BBS9: variants seen among roughly 807,000 people sequenced by gnomAD.
BBS9 encodes the protein protein PTHB1.
In BBS9, 89 loss-of-function variants were observed where a neutral mutation model predicts 117.7. The observed-to-expected ratio is 0.76, with a 90% CI of 0.64 to 0.90. BBS9 has a LOEUF of 0.90. BBS9 is among the 40% of genes least tolerant of loss of function. The pLI is 0.00. For missense variants in BBS9, 982 were observed against 1,042.2 expected, an observed-to-expected ratio of 0.94 and a Z score of 0.80; for synonymous variants, 379 against 370.9, an observed-to-expected ratio of 1.02 and a Z score of -0.25.
chr7:33,605,203 C>A lies in BBS9; in HGVS notation c.2641C>A (p.Pro881Thr). ...ACTCTCTTTTTTTCCAGAAGTTTCA[C>A]CCCTCCAAGGAGTCTCGGAATAATT... The part of the protein sequence containing the change: ...TAETPRPEVS[P>T]LQGVSE The change falls in exon 23 of 23, where the codon CCC becomes ACC. Residue 881 changes from proline (P) to threonine (T), a missense_variant. Physicochemically the swap from Pro to Thr is conservative, Grantham distance 38. Transcript: ENST00000242067. 1.2e-6 allele frequency: 2 copies of A among 1,612,600 alleles called. No individual in the cohort carries two copies. The highest frequency in any genetic ancestry group is 1.7e-6 in the Non-Finnish European group (2 of 1,178,684).
At chr7:33,485,126 A>G (rs1236385074) in intron 19 of BBS9, among the ~76,000 whole-genome samples, 1 of 152,042 alleles carries the variant, frequency 6.6e-6, no homozygotes, top group Non-Finnish European at 1.5e-5. Flanking sequence ...GGGGGGCAAC[A>G]CACACTGGGA....
At chr7:33,592,810 G>A (rs1392870020) in intron 21 of BBS9, among the ~76,000 whole-genome samples, 3 of 152,088 alleles carry the variant, frequency 2.0e-5, no homozygotes, top group African/African-American at 7.2e-5. Context: ...GGAATGAATA[G>A]CCACTTGATG....
chr7:33,521,306 G>C (rs1848555148), intron 20 of BBS9, among the ~76,000 whole-genome samples: 1 of 152,214 alleles, frequency 6.6e-6, no homozygotes, highest in East Asian at 1.9e-4. Context: ...TTGCACTGCA[G>C]CCGAACCTTC....
intron 2 of BBS9, among the ~76,000 whole-genome samples, chr7:33,147,894 G>C (rs911299576): frequency 8.6e-5 from 13 of 151,718 alleles, no homozygotes; most frequent in African/African-American, 3.1e-4. Context: ...CATTACATAT[G>C]TGTGTTCCAC....
rs112093704 is a variant in BBS9, at chr7:33,421,826, T to G, written c.2115+33682T>G. 5.4e-3 allele frequency among the ~76,000 whole-genome samples: 829 copies of G among 152,296 alleles called. 3 individuals are homozygous for G. Among genetic ancestry groups the G allele is most frequent in the Non-Finnish European group, 7.6e-3 (520 of 68,010 alleles). ...TTAAAGAAAGGACATGGTTGGTACCTCCAGATAACACTTGAAAATTAGCAT... is the reference window on the plus strand; with the variant it reads ...TTAAAGAAAGGACATGGTTGGTACCGCCAGATAACACTTGAAAATTAGCAT... On this transcript the variant is annotated intron_variant, in intron 19 of 22. Transcript: ENST00000242067.
intron 19 of BBS9, among the ~76,000 whole-genome samples, chr7:33,434,879 T>G (rs1163998058): frequency 6.6e-6 from 1 of 152,142 alleles, no homozygotes; most frequent in Non-Finnish European, 1.5e-5. Flanking sequence ...ATATTGCGGC[T>G]TTGACCTCAT....
At chr7:33,222,667 G>A (rs998875434) in intron 5 of BBS9, among the ~76,000 whole-genome samples, 4 of 151,922 alleles carry the variant, frequency 2.6e-5, no homozygotes, top group African/African-American at 4.8e-5. Flanking sequence ...TTTTTGTGGC[G>A]CCAGGTGCGG....
At chr7:33,315,198 G>T (rs984344222) in intron 9 of BBS9, among the ~76,000 whole-genome samples, 1 of 152,152 alleles carries the variant, frequency 6.6e-6, no homozygotes, top group Non-Finnish European at 1.5e-5. Context: ...GGTGTCAACA[G>T]GGCTGGTTTC....
chr7:33,398,126 A>G (rs1389533571), intron 19 of BBS9, among the ~76,000 whole-genome samples: 2 of 152,188 alleles, frequency 1.3e-5, no homozygotes, highest in African/African-American at 4.8e-5. Flanking sequence ...GGCACTATCT[A>G]ATAGATAGCC....
At chr7:33,259,533 C>T (rs1562892395) in intron 6 of BBS9, among the ~76,000 whole-genome samples, 1 of 151,956 alleles carries the variant, frequency 6.6e-6, no homozygotes. Flanking sequence ...AATTGTTTGC[C>T]CTGAGACATT....
intron 19 of BBS9, among the ~76,000 whole-genome samples, chr7:33,401,478 A>G (rs1422676485): frequency 1.3e-5 from 2 of 151,944 alleles, no homozygotes; most frequent in Non-Finnish European, 2.9e-5. Flanking sequence ...TTGGAATTAT[A>G]CAATTTAAGG....
intron 1 of BBS9, 62 bp from the exon 2 acceptor site, chr7:33,146,180 C>T: frequency 1.8e-6 from 2 of 1,137,954 alleles, no homozygotes; most frequent in Non-Finnish European, 2.7e-6. Flanking sequence ...ATTTGCTATG[C>T]CTTAAGACAT....
chr7:33,283,018 A>T (rs562486707), intron 9 of BBS9, among the ~76,000 whole-genome samples: 8 of 152,106 alleles, frequency 5.3e-5, no homozygotes, highest in African/African-American at 1.7e-4. Flanking sequence ...ATTTTTTGTA[A>T]TCACAATTTC....
chr7:33,622,655 C>G (rs998714916), intron 21 of BBS9, among the ~76,000 whole-genome samples: 1 of 152,128 alleles, frequency 6.6e-6, no homozygotes, highest in East Asian at 1.9e-4. Flanking sequence ...GGCCTCAAAA[C>G]AGCCATTCTT....
intron 9 of BBS9, among the ~76,000 whole-genome samples, chr7:33,304,792 A>G (rs1019461874): frequency 6.6e-6 from 1 of 152,226 alleles, no homozygotes; most frequent in Admixed American, 6.5e-5. Flanking sequence ...TATACTAAGG[A>G]AAATTCTTCT....
intron 5 of BBS9, among the ~76,000 whole-genome samples, chr7:33,240,058 C>T (rs1794220049): frequency 1.3e-5 from 2 of 152,124 alleles, no homozygotes; most frequent in Non-Finnish European, 2.9e-5. Context: ...TCCCCCCAAA[C>T]ATTTATCCAG....
chr7:33,392,658 A>G (rs763028576), intron 19 of BBS9, among the ~76,000 whole-genome samples: 10 of 152,188 alleles, frequency 6.6e-5, no homozygotes, highest in Non-Finnish European at 1.5e-5. Context: ...TTAAATTAGC[A>G]AACTATTTTA....
At chr7:33,172,274 G>A (rs907985799) in intron 4 of BBS9, among the ~76,000 whole-genome samples, 1 of 151,930 alleles carries the variant, frequency 6.6e-6, no homozygotes, top group African/African-American at 2.4e-5. Flanking sequence ...CCAGCTACTC[G>A]GGAGGCTGAG....
At chr7:33,608,624 G>A (rs1007983452), downstream of BBS9, among the ~76,000 whole-genome samples, 2 of 151,906 alleles carry the variant, frequency 1.3e-5, no homozygotes, top group Non-Finnish European at 2.9e-5. Flanking sequence ...CATTTCTCTG[G>A]TGATTATTGA....
Sources: gnomAD v4.1 joint callset for allele counts (sites outside exome capture counted in the v4.1 genomes callset) on GRCh38, gnomAD v4.1.1 for gene constraint, MANE v1.5 for transcripts, NCBI Gene and HGNC (gene_info 2026-07-23, HGNC 2026-07-21) for gene names.